The following ZBTB39 variants were observed in gnomAD, a reference collection of about 807,000 sequenced individuals.
ZBTB39 encodes zinc finger and BTB domain-containing protein 39.
Under a neutral mutation model 39.4 loss-of-function variants are expected in ZBTB39, and 25 were observed. The ratio of observed to expected loss-of-function variants is 0.63; its 90% CI spans 0.46 to 0.89. The LOEUF (loss-of-function observed/expected upper bound fraction) is 0.89, where lower values mean the gene tolerates loss of function less well. Ranked by LOEUF, ZBTB39 falls within the 40% of genes least tolerant of loss-of-function variation. The pLI is 0.00. For synonymous variants in ZBTB39, 373 were observed against 359.6 expected, an observed-to-expected ratio of 1.04 and a Z score of -0.42; for missense variants, 891 against 909.7, an observed-to-expected ratio of 0.98 and a Z score of 0.26.
At chr12:57,005,059 C>T in intron 1 of ZBTB39, 98 bp from the exon 2 acceptor site, 1 of 864,666 alleles carries the variant, frequency 1.2e-6, no homozygotes, top group Non-Finnish European at 1.7e-6. Flanking sequence ...GCTTCCAAGC[C>T]CCAGGTAGGG....
Position 57,004,659 on chromosome 12 carries a change from C to A in ZBTB39, c.259G>T (p.Val87Phe). 6.2e-7 allele frequency: 1 copy of A among 1,614,146 alleles called. No individual in the cohort carries two copies. Among genetic ancestry groups the A allele is most frequent in the South Asian group, 1.1e-5 (1 of 91,078 alleles). The change falls in exon 2 of 2, where the codon GTC becomes TTC. Residue 87 changes from valine to phenylalanine, a missense_variant. Physicochemically the swap from Val to Phe is conservative, Grantham distance 50 (BLOSUM62 -1). Coordinates refer to ENST00000300101, the MANE Select transcript of ZBTB39 (RefSeq NM_014830.3). ...TCTGTGAAGAGTTCTGAAGTGTAGACAAAGCTCAGAACCTTCTCAAAGTTG... is the reference window on the plus strand; with the variant it reads ...TCTGTGAAGAGTTCTGAAGTGTAGAAAAAGCTCAGAACCTTCTCAAAGTTG... Reference protein sequence around the residue: ...PANFEKVLSFVYTSELFTDLI... With the variant: ...PANFEKVLSFFYTSELFTDLI...
intron 1 of ZBTB39, 90 bp downstream of exon 1, chr12:57,006,315 G>C (rs1159593771): frequency 6.6e-6 from 1 of 152,518 alleles, no homozygotes; most frequent in African/African-American, 2.4e-5. Context: ...CGAAGGGAGC[G>C]GGCAAGAGGG....
chr12:57,005,216 C>T (rs2136411162), intron 1 of ZBTB39, among the ~76,000 whole-genome samples: 1 of 152,280 alleles, frequency 6.6e-6, no homozygotes, highest in African/African-American at 2.4e-5. Context: ...TAGAGACGAA[C>T]CAGAGGCATT....
At position 57,004,538 on chromosome 12, in the gene ZBTB39, C is replaced by T. The variant is rs771895381; in HGVS notation, c.380G>A (p.Ser127Asn). 6.2e-6 allele frequency: 10 copies of T among 1,614,170 alleles called. No homozygotes were observed. The highest frequency in any genetic ancestry group is 8.5e-6 in the Non-Finnish European group (10 of 1,180,036). The change falls in exon 2 of 2, where the codon AGC (serine) becomes AAC (asparagine). Residue 127 changes from serine to asparagine, a missense_variant. Coordinates refer to ENST00000300101, the MANE Select transcript of ZBTB39 (RefSeq NM_014830.3). ...ACHSTFPDLE[S>N]TARAKPLTST... is the part of the protein sequence containing the mutation. ...GGTCAGGGGCTTGGCCCTGGCAGTG[C>T]TCTCCAGATCAGGAAAGGTAGAGTG... is the stretch of plus-strand genomic sequence containing the variant.
At position 57,004,886 on chromosome 12, in the gene ZBTB39, T is replaced by C. The variant is rs1179445815; in HGVS notation, c.32A>G (p.Asn11Ser). MGMRIKLQST[N>S]HPNNLLKELN... ...TTCCTTCAGCAGGTTGTTGGGGTGG[T>C]TGGTGCTTTGCAGTTTGATCCTCAT... The change falls in exon 2 of 2, where the codon AAC (asparagine) becomes AGC (serine). Residue 11 changes from asparagine to serine, a missense_variant. Physicochemically the swap from Asn to Ser is conservative, Grantham distance 46. Transcript: ENST00000300101. 1 of 1,607,964 alleles carries C rather than the reference T, an allele frequency of 6.2e-7. No homozygotes were observed. Among genetic ancestry groups the C allele is most frequent in the African/African-American group, 1.3e-5 (1 of 74,938 alleles).
chr12:57,004,718 G>A lies in ZBTB39; in HGVS notation c.200C>T (p.Ala67Val). The A allele has an allele frequency of 1.2e-6, 2 of 1,614,182 alleles. No homozygotes were observed. Among genetic ancestry groups the A allele is most frequent in the Non-Finnish European group, 1.7e-6 (2 of 1,180,008 alleles). ...GATGAAGTCCACCACATAGGTCCTG[G>A]CAGCATCAAGCCCAGTATTCAGGAA... is the stretch of plus-strand genomic sequence containing the variant. Reference protein sequence around the residue: ...NLFLNTGLDAARTYVVDFITP... With the variant: ...NLFLNTGLDAVRTYVVDFITP... The change falls in exon 2 of 2, where the codon GCC (alanine) becomes GTC (valine). Residue 67 changes from alanine to valine, a missense_variant. Coordinates refer to ENST00000300101, the MANE Select transcript of ZBTB39 (RefSeq NM_014830.3).
Position 57,004,143 on chromosome 12 carries a change from T to C in ZBTB39, c.775A>G (p.Ser259Gly), listed in dbSNP as rs1956230477. ...ACTGCATTGTCAGGGGTGAGGAAGCTGTTTTTACTGAAGTCTCCATTGCTT... is the reference window on the plus strand; with the variant it reads ...ACTGCATTGTCAGGGGTGAGGAAGCCGTTTTTACTGAAGTCTCCATTGCTT... ...VQSNGDFSKNSFLTPDNAVDI... is the reference protein window; with the variant it reads ...VQSNGDFSKNGFLTPDNAVDI... Residue 259 changes from serine (S) to glycine (G), a missense_variant, in exon 2 of 2, where the codon AGC (serine) becomes GGC (glycine). Transcript: ENST00000300101. The C allele has an allele frequency of 6.2e-7, 1 of 1,614,082 alleles. No homozygotes were observed. Among genetic ancestry groups the C allele is most frequent in the African/African-American group, 1.3e-5 (1 of 74,924 alleles).
Position 57,004,897 on chromosome 12 carries a change from C to T in ZBTB39, c.21G>A (p.Leu7=). The T allele has an allele frequency of 3.1e-6, 5 of 1,600,014 alleles. No homozygotes were observed. Among genetic ancestry groups the T allele is most frequent in the Non-Finnish European group, 4.3e-6 (5 of 1,170,478 alleles). Residue 7 remains leucine (L), a synonymous_variant, in exon 2 of 2, where the codon CTG becomes CTA. Coordinates refer to ENST00000300101, the MANE Select transcript of ZBTB39 (RefSeq NM_014830.3). Reference sequence around the variant, plus strand: ...GGTTGTTGGGGTGGTTGGTGCTTTGCAGTTTGATCCTCATGCCCATCTTAG... The same window carrying T: ...GGTTGTTGGGGTGGTTGGTGCTTTGTAGTTTGATCCTCATGCCCATCTTAG... The part of the protein sequence containing the change: MGMRIK[L]QSTNHPNNLL...
chr12:57,004,743 A>G lies in ZBTB39; in HGVS notation c.175T>C (p.Phe59Leu), dbSNP rs1422376283. ...ACAAGYFQNL[F>L]LNTGLDAART... ...GCAGCATCAAGCCCAGTATTCAGGAAGAGGTTCTGGAAGTAGCCAGCTGCA... is the reference window on the plus strand; with the variant it reads ...GCAGCATCAAGCCCAGTATTCAGGAGGAGGTTCTGGAAGTAGCCAGCTGCA... The change falls in exon 2 of 2, where the codon TTC becomes CTC. Residue 59 changes from phenylalanine (F) to leucine (L), a missense_variant. Physicochemically the swap from Phe to Leu is conservative, Grantham distance 22. Transcript: ENST00000300101. The G allele has an allele frequency of 6.2e-7, 1 of 1,614,166 alleles. No individual in the cohort carries two copies. Among genetic ancestry groups the G allele is most frequent in the Non-Finnish European group, 8.5e-7 (1 of 1,179,996 alleles).
rs1445544937 is a variant in ZBTB39, at chr12:57,001,389, G to A, written c.*1390C>T. 9.2e-5 allele frequency: 14 copies of A among 152,706 alleles called. No individual in the cohort carries two copies. The highest frequency in any genetic ancestry group is 1.5e-5 in the Non-Finnish European group (1 of 68,066). 9.5% of individuals were successfully genotyped at this position (152,706 alleles called of 1,614,324 possible). ...AGGGGCAGTGCCAGGGCTGAGGCCA[G>A]GGACTCCCAGAGCTCACCTGAGCAG... On this transcript the variant is annotated 3_prime_UTR_variant, in exon 2 of 2. Coordinates refer to ENST00000300101, the MANE Select transcript of ZBTB39 (RefSeq NM_014830.3).
chr12:57,001,269 A>G lies in ZBTB39; in HGVS notation c.*1510T>C, dbSNP rs947988706. 11 of 152,670 alleles carry G rather than the reference A, an allele frequency of 7.2e-5. No homozygotes were observed. The highest frequency in any genetic ancestry group is 2.7e-4 in the African/African-American group (11 of 41,460). The allele number at this position is 152,670 out of a possible 1,614,324, so 9.5% of individuals were successfully genotyped here. On this transcript the variant is annotated 3_prime_UTR_variant, in exon 2 of 2. Transcript: ENST00000300101. ...GATGCTGGGTAATGTGTATACAAAA[A>G]CAAAAATAAATAAATATTAATGTCC... is the stretch of plus-strand genomic sequence containing the variant.
At position 57,003,547 on chromosome 12, in the gene ZBTB39, C is replaced by G; in HGVS notation, c.1371G>C (p.Gly457=). 6.2e-7 allele frequency: 1 copy of G among 1,614,124 alleles called. No homozygotes were observed. Among genetic ancestry groups the G allele is most frequent in the Non-Finnish European group, 8.5e-7 (1 of 1,179,970 alleles). ...ASPELKCAAC[G]KVLAKDFHVV... ...CATGGAAATCTTTGGCCAATACTTT[C>G]CCACAGGCAGCGCATTTCAGCTCTG... Residue 457 remains glycine (G), a synonymous_variant, in exon 2 of 2, where the codon GGG becomes GGC. Transcript: ENST00000300101. The surrounding 1 kb of genome is among the most constrained non-coding windows in gnomAD (Gnocchi z 4.8).
rs776703029 is a variant in ZBTB39, at chr12:57,003,113, T to G, written c.1805A>C (p.Asn602Thr). ...EELALQGQPG[N>T]SKYSCKVCGK... ...ACAGACCTTGCAGCTATACTTGCTG[T>G]TCCCAGGTTGGCCCTGCAGCGCCAG... The change falls in exon 2 of 2, where the codon AAC becomes ACC. Residue 602 changes from asparagine to threonine, a missense_variant. By Grantham distance (65) the Asn-to-Thr change is moderately conservative. Coordinates refer to ENST00000300101, the MANE Select transcript of ZBTB39 (RefSeq NM_014830.3). This position sits in a 1 kb window ranked among gnomAD's most constrained non-coding sequence, Gnocchi z 4.8. 4.3e-6 allele frequency: 7 copies of G among 1,614,172 alleles called. No individual in the cohort carries two copies. In the South Asian group the frequency reaches 6.6e-5, roughly 15 times the overall value.
rs1296124162 is a variant in ZBTB39, at chr12:57,002,855, G to C, written c.2063C>G (p.Pro688Arg). The C allele has an allele frequency of 6.2e-7, 1 of 1,614,228 alleles. No individual in the cohort carries two copies. The highest frequency in any genetic ancestry group is 1.1e-5 in the South Asian group (1 of 91,088). Reference protein sequence around the residue: ...KHVGVHKGSLPPDFTIEQTFM... With the variant: ...KHVGVHKGSLRPDFTIEQTFM... ...GGTCTGCTCGATGGTGAAGTCAGGG[G>C]GGAGGCTGCCTTTGTGCACACCAAC... The change falls in exon 2 of 2, where the codon CCC (proline) becomes CGC (arginine). Residue 688 changes from proline to arginine, a missense_variant. Coordinates refer to ENST00000300101, the MANE Select transcript of ZBTB39 (RefSeq NM_014830.3).
chr12:57,006,179 C>A (rs1429202721), intron 1 of ZBTB39, among the ~76,000 whole-genome samples: 1 of 152,036 alleles, frequency 6.6e-6, no homozygotes, highest in African/African-American at 2.4e-5. Context: ...GCGCCTCAGT[C>A]CCTCCACAAA....
intron 1 of ZBTB39, 135 bp from the exon 2 acceptor site, chr12:57,005,096 T>A: frequency 3.3e-6 from 2 of 612,574 alleles, no homozygotes; most frequent in Non-Finnish European, 5.5e-6. Flanking sequence ...CATGGAGAGT[T>A]CCTCCATTAT....
In ZBTB39 at chr12:57,003,247, G is replaced by T; in HGVS notation, c.1671C>A (p.Val557=). 6.2e-7 allele frequency: 1 copy of T among 1,614,256 alleles called. No individual in the cohort carries two copies. Among genetic ancestry groups the T allele is most frequent in the Non-Finnish European group, 8.5e-7 (1 of 1,180,040 alleles). The part of the protein sequence containing the change: ...FKSEAAYRYH[V]SQHKCNSGLD... ...GGCCACTGTTGCATTTGTGCTGGCTGACGTGGTAGCGATAGGCAGCCTCTG... is the reference window on the plus strand; with the variant it reads ...GGCCACTGTTGCATTTGTGCTGGCTTACGTGGTAGCGATAGGCAGCCTCTG... The change falls in exon 2 of 2, where the codon GTC becomes GTA. Residue 557 remains valine, a synonymous_variant. Transcript: ENST00000300101. The surrounding 1 kb of genome is among the most constrained non-coding windows in gnomAD (Gnocchi z 4.8).
rs1956221077 is a variant in ZBTB39 at position 57,003,239 on chromosome 12, T to G, written c.1679A>C (p.His560Pro). ...EAAYRYHVSQ[H>P]KCNSGLDARP... ...TGCATCAAGGCCACTGTTGCATTTGTGCTGGCTGACGTGGTAGCGATAGGC... is the reference window on the plus strand; with the variant it reads ...TGCATCAAGGCCACTGTTGCATTTGGGCTGGCTGACGTGGTAGCGATAGGC... The change falls in exon 2 of 2, where the codon CAC becomes CCC. Residue 560 changes from histidine (H) to proline (P), a missense_variant. His to Pro is a moderately conservative substitution (Grantham distance 77). Coordinates refer to ENST00000300101, the MANE Select transcript of ZBTB39 (RefSeq NM_014830.3). This position sits in a 1 kb window ranked among gnomAD's most constrained non-coding sequence, Gnocchi z 4.8. 6.2e-7 allele frequency: 1 copy of G among 1,614,128 alleles called. No homozygotes were observed. Among genetic ancestry groups the G allele is most frequent in the African/African-American group, 1.3e-5 (1 of 74,958 alleles).
At position 56,998,977 on chromosome 12, in the gene ZBTB39, T is replaced by C. The variant is rs1956194314; in HGVS notation, c.*3802A>G. 1 of 152,620 alleles carries C rather than the reference T, an allele frequency of 6.6e-6. No homozygotes were observed. Among genetic ancestry groups the C allele is most frequent in the African/African-American group, 2.4e-5 (1 of 41,442 alleles). The allele number at this position is 152,620 out of a possible 1,614,324, so 9.5% of individuals were successfully genotyped here. The stretch of plus-strand genomic sequence containing the variant: ...CAAAATATACAAAACTTTACAGCAA[T>C]AGATAGTAAACACTTAAATATTAGG... On this transcript the variant is annotated 3_prime_UTR_variant, in exon 2 of 2. Coordinates refer to ENST00000300101, the MANE Select transcript of ZBTB39 (RefSeq NM_014830.3).
Sources: gnomAD v4.1 joint callset for allele counts (sites outside exome capture counted in the v4.1 genomes callset) on GRCh38, gnomAD v4.1.1 for gene constraint, Gnocchi (gnomAD v3.1) non-coding constraint, MANE v1.5 for transcripts, NCBI Gene and HGNC (gene_info 2026-07-23, HGNC 2026-07-21) for gene names.